Variants in ARHGAP18 observed in about 807,000 individuals in gnomAD.
ARHGAP18 encodes the protein Rho GTPase activating protein 18, also known as rho GTPase-activating protein 18.
ARHGAP18 carries 67 observed loss-of-function variants against 86.2 expected under a neutral mutation model. The ratio of observed to expected loss-of-function variants is 0.78; its 90% CI spans 0.64 to 0.95. The LOEUF (loss-of-function observed/expected upper bound fraction) is 0.95. Ranked by LOEUF, ARHGAP18 falls within the 40% of genes least tolerant of loss-of-function variation. The pLI, the probability that ARHGAP18 is intolerant of heterozygous loss-of-function variation, is 0.00. For synonymous variants in ARHGAP18, 283 were observed against 280.4 expected (o/e 1.01, Z -0.09); for missense variants, 691 against 780.4 (o/e 0.89, Z 1.37).
At chr6:129,654,208 T>TGAGGG (rs1773781544) in intron 1 of ARHGAP18, among the ~76,000 whole-genome samples, 1 of 151,832 alleles carries the variant, frequency 6.6e-6, no homozygotes, top group Non-Finnish European at 1.5e-5. Flanking sequence ...CTGAAAAAGG[T>TGAGGG]GAGGGGAGGA....
chr6:129,679,043 A>G (rs1388632047), intron 1 of ARHGAP18, among the ~76,000 whole-genome samples: 3 of 152,226 alleles, frequency 2.0e-5, no homozygotes, highest in Non-Finnish European at 4.4e-5. Flanking sequence ...GTTGAAGTCC[A>G]GTGCCTTACT....
In ARHGAP18 at chr6:129,607,852, G is replaced by A. The variant is rs982784897; in HGVS notation, c.1282+41C>T. Reference sequence around the variant, plus strand: ...GTCATTAAAACAATTAACATAGATGGCACCAGCAGAAGGACTGCTTCAAAG... The same window carrying A: ...GTCATTAAAACAATTAACATAGATGACACCAGCAGAAGGACTGCTTCAAAG... On this transcript the variant is annotated intron_variant, in intron 9 of 14. Coordinates refer to ENST00000368149, the MANE Select transcript of ARHGAP18 (RefSeq NM_033515.3). 3.3e-6 allele frequency: 5 copies of A among 1,536,410 alleles called. No homozygotes were observed. In the African/African-American group the frequency reaches 5.6e-5, roughly 17 times the overall value.
chr6:129,660,176 A>G (rs998064532), intron 1 of ARHGAP18, among the ~76,000 whole-genome samples: 1 of 152,202 alleles, frequency 6.6e-6, no homozygotes. Flanking sequence ...ACGACAATGG[A>G]AAGTTTTTAA....
chr6:129,627,934 G>T (rs1014018355), intron 5 of ARHGAP18, among the ~76,000 whole-genome samples: 2 of 152,042 alleles, frequency 1.3e-5, no homozygotes, highest in Admixed American at 1.3e-4. Context: ...TAGAAATATA[G>T]ATGATAAAAT....
In ARHGAP18 at chr6:129,676,912, CCTCTTTTTTTTTTTTTTTT is replaced by C. The variant is rs1241046878; in HGVS notation, c.113+33093_113+33111del. Among the ~76,000 whole-genome samples, 87 of 103,876 alleles carry C rather than the reference CCTCTTTTTTTTTTTTTTTT, an allele frequency of 8.4e-4. 1 individual carries two copies. Among genetic ancestry groups the C allele is most frequent in the South Asian group, 1.5e-3 (5 of 3,228 alleles). The allele number at this position is 103,876 out of a possible 152,430, so 68.1% of individuals were successfully genotyped here. On this transcript the variant is annotated intron_variant, in intron 1 of 14. Coordinates refer to ENST00000368149, the MANE Select transcript of ARHGAP18 (RefSeq NM_033515.3). ...TGAAAACAGATGAAAAATTTTTTGT[CCTCTTTTTTTTTTTTTTTT>C]TTTTTTTTTTTTTTTTTAAGGAAGG...
At chr6:129,626,075 C>CACACACACAT (rs1554336396) in intron 5 of ARHGAP18, among the ~76,000 whole-genome samples, 2 of 118,104 alleles carry the variant, frequency 1.7e-5, no homozygotes, top group African/African-American at 6.2e-5. Flanking sequence ...TACACACACA[C>CACACACACAT]ACACACACAC....
At chr6:129,640,507 T>C (rs1773433399) in intron 2 of ARHGAP18, among the ~76,000 whole-genome samples, 1 of 152,246 alleles carries the variant, frequency 6.6e-6, no homozygotes, top group African/African-American at 2.4e-5. Flanking sequence ...ACTTTATTGC[T>C]ATCATATTTG....
chr6:129,630,349 A>T (rs567831350), intron 4 of ARHGAP18, among the ~76,000 whole-genome samples: 2 of 152,286 alleles, frequency 1.3e-5, no homozygotes, highest in Admixed American at 6.5e-5. Context: ...TATTTGGTAA[A>T]TTTTTTGTTT....
intron 5 of ARHGAP18, among the ~76,000 whole-genome samples, chr6:129,625,208 G>GATA (rs1789353075): frequency 2.2e-5 from 1 of 45,414 alleles, no homozygotes; most frequent in African/African-American, 1.3e-4. Flanking sequence ...ATATTTATAT[G>GATA]TAATATATAT....
chr6:129,660,078 T>C (rs1277319955), intron 1 of ARHGAP18, among the ~76,000 whole-genome samples: 5 of 152,102 alleles, frequency 3.3e-5, no homozygotes, highest in Non-Finnish European at 5.9e-5. Flanking sequence ...AGGCACCAGA[T>C]AGGGGGTTGG....
In ARHGAP18 at chr6:129,647,347, A is replaced by G. The variant is rs114821268; in HGVS notation, c.114-5329T>C. On this transcript the variant is annotated intron_variant, in intron 1 of 14. Transcript: ENST00000368149. ...TGTTTCTTCTGAGTTCATATATTTA[A>G]CTATCTGGTCCAATTTCTACCTTGT... Among the ~76,000 whole-genome samples the G allele has an allele frequency of 6.1e-3, 932 of 152,144 alleles. 14 individuals carry two copies. The highest frequency in any genetic ancestry group is 0.022 in the African/African-American group (897 of 41,490).
intron 12 of ARHGAP18, among the ~76,000 whole-genome samples, chr6:129,597,517 A>G (rs986950276): frequency 2.0e-5 from 3 of 152,082 alleles, no homozygotes; most frequent in Non-Finnish European, 4.4e-5. Flanking sequence ...AGCCTCTCTC[A>G]TGCTTACTTC....
chr6:129,594,161 T>G (rs1788571266), intron 12 of ARHGAP18, among the ~76,000 whole-genome samples: 1 of 151,532 alleles, frequency 6.6e-6, no homozygotes, highest in South Asian at 2.1e-4. Flanking sequence ...CTATAGTCTC[T>G]TTCACTCTCC....
intron 1 of ARHGAP18, among the ~76,000 whole-genome samples, chr6:129,651,929 G>A (rs1282683056): frequency 2.0e-5 from 3 of 152,178 alleles, no homozygotes; most frequent in African/African-American, 7.2e-5. Context: ...TTATAAAGGA[G>A]GCCCCAGATG....
At chr6:129,665,479 G>A (rs1386287026) in intron 1 of ARHGAP18, among the ~76,000 whole-genome samples, 1 of 152,190 alleles carries the variant, frequency 6.6e-6, no homozygotes, top group African/African-American at 2.4e-5. Context: ...GAGCCCAGGA[G>A]GCAGTGGTTG....
At chr6:129,585,039 T>C (rs1294681283) in intron 12 of ARHGAP18, among the ~76,000 whole-genome samples, 1 of 150,434 alleles carries the variant, frequency 6.6e-6, no homozygotes. Flanking sequence ...TTTTTTTTAA[T>C]GTACATGGTC....
intron 12 of ARHGAP18, among the ~76,000 whole-genome samples, chr6:129,589,608 C>T (rs747432011): frequency 7.9e-5 from 12 of 152,282 alleles, no homozygotes; most frequent in Non-Finnish European, 1.8e-4. Context: ...CTTCTGAGCC[C>T]TCCAAACGGT....
chr6:129,666,003 C>A (rs977456409), intron 1 of ARHGAP18, among the ~76,000 whole-genome samples: 1 of 151,684 alleles, frequency 6.6e-6, no homozygotes, highest in African/African-American at 2.4e-5. Context: ...AGTCTACTGG[C>A]AAAATAAATA....
At chr6:129,624,973 TTATATATAATA>T (rs1347956993) in intron 5 of ARHGAP18, among the ~76,000 whole-genome samples, 1 of 113,184 alleles carries the variant, frequency 8.8e-6, no homozygotes, top group African/African-American at 3.3e-5. Flanking sequence ...TGATATATAT[TTATATATAATA>T]TATATTATAT....
Sources: gnomAD v4.1 joint callset for allele counts (sites outside exome capture counted in the v4.1 genomes callset) on GRCh38, gnomAD v4.1.1 for gene constraint, MANE v1.5 for transcripts, NCBI Gene and HGNC (gene_info 2026-07-23, HGNC 2026-07-21) for gene names.